The following KCNB2 variants were observed in gnomAD, a reference collection of about 807,000 sequenced individuals.
The protein encoded by KCNB2 is delayed rectifier potassium channel protein.
KCNB2 carries 15 observed loss-of-function variants against 61.5 expected under a neutral mutation model. The observed-to-expected ratio is 0.24, with a 90% CI of 0.16 to 0.38. KCNB2 has a LOEUF of 0.38. Among genes scored for constraint, KCNB2 ranks in the 10% least tolerant of loss-of-function variants. KCNB2 has a pLI of 1.00. For synonymous variants in KCNB2, 457 were observed against 446.0 expected (o/e 1.02, Z -0.31); for missense variants, 828 against 1,125.2 (o/e 0.74, Z 3.78).
chr8:72,892,033 G>T (rs1414146225), intron 2 of KCNB2, among the ~76,000 whole-genome samples: 2 of 152,100 alleles, frequency 1.3e-5, no homozygotes, highest in African/African-American at 4.8e-5. Flanking sequence ...GTGGGTTAAA[G>T]GATGGAGGGA....
intron 2 of KCNB2, among the ~76,000 whole-genome samples, chr8:72,774,360 T>C (rs949058459): frequency 4.6e-5 from 7 of 152,218 alleles, no homozygotes; most frequent in Middle Eastern, 3.4e-3. Flanking sequence ...ATTATTATTA[T>C]TATTTTTTGA....
At chr8:72,713,180 G>A (rs892310676) in intron 2 of KCNB2, among the ~76,000 whole-genome samples, 3 of 152,222 alleles carry the variant, frequency 2.0e-5, no homozygotes, top group African/African-American at 7.2e-5. Context: ...AACTGGGTGG[G>A]GCCCACCAAA....
intron 2 of KCNB2, among the ~76,000 whole-genome samples, chr8:72,930,134 AT>A (rs1198585936): frequency 6.6e-6 from 1 of 151,600 alleles, no homozygotes; most frequent in Non-Finnish European, 1.5e-5. Flanking sequence ...TGAACTCATC[AT>A]TTTTTATGGC....
intron 2 of KCNB2, among the ~76,000 whole-genome samples, chr8:72,807,907 T>A (rs910167097): frequency 6.6e-5 from 10 of 152,232 alleles, no homozygotes; most frequent in African/African-American, 2.4e-4. Flanking sequence ...TTACTCTTAT[T>A]TCTTTGGTTT....
chr8:72,716,849 A>G (rs1448302389), intron 2 of KCNB2, among the ~76,000 whole-genome samples: 2 of 152,316 alleles, frequency 1.3e-5, no homozygotes, highest in East Asian at 1.9e-4. Flanking sequence ...AGGGCATTCA[A>G]TTAGAAAAAG....
intron 2 of KCNB2, among the ~76,000 whole-genome samples, chr8:72,725,593 A>ATGTGTG (rs1225131935): frequency 1.5e-4 from 5 of 32,432 alleles, no homozygotes; most frequent in Non-Finnish European, 4.2e-4. Context: ...ATATGTATGT[A>ATGTGTG]TATATATATA....
chr8:72,697,978 G>C (rs914285973), intron 2 of KCNB2, among the ~76,000 whole-genome samples: 2 of 152,040 alleles, frequency 1.3e-5, no homozygotes, highest in African/African-American at 4.8e-5. Flanking sequence ...AGGTGATCCT[G>C]ATGTAGTGAG....
chr8:72,587,001 G>A (rs1807010470), intron 2 of KCNB2, among the ~76,000 whole-genome samples: 1 of 151,840 alleles, frequency 6.6e-6, no homozygotes, highest in African/African-American at 2.4e-5. Flanking sequence ...TTAAAATACG[G>A]CCTATTGATA....
At chr8:72,825,705 T>C (rs1483158457) in intron 2 of KCNB2, among the ~76,000 whole-genome samples, 2 of 152,228 alleles carry the variant, frequency 1.3e-5, no homozygotes, top group Non-Finnish European at 2.9e-5. Flanking sequence ...TTTGGAGAAA[T>C]GTCTGTCTAA....
At chr8:72,744,686 C>T (rs549512504) in intron 2 of KCNB2, among the ~76,000 whole-genome samples, 1 of 152,206 alleles carries the variant, frequency 6.6e-6, no homozygotes, top group African/African-American at 2.4e-5. Flanking sequence ...ACTGTCCATG[C>T]TGAGAAGGAA....
intron 2 of KCNB2, among the ~76,000 whole-genome samples, chr8:72,911,628 G>A (rs1463330635): frequency 6.6e-6 from 1 of 152,190 alleles, no homozygotes; most frequent in Non-Finnish European, 1.5e-5. Flanking sequence ...TGTCATGGTA[G>A]TCTCCAATGT....
At chr8:72,815,002 GGTT>G (rs1259971961) in intron 2 of KCNB2, among the ~76,000 whole-genome samples, 1 of 152,094 alleles carries the variant, frequency 6.6e-6, no homozygotes, top group Non-Finnish European at 1.5e-5. Context: ...TTTCTACTGA[GGTT>G]GTATAATTCC....
intron 2 of KCNB2, among the ~76,000 whole-genome samples, chr8:72,600,046 G>A (rs1221749284): frequency 1.3e-5 from 2 of 152,212 alleles, no homozygotes; most frequent in Non-Finnish European, 2.9e-5. Flanking sequence ...GATTCCTCAA[G>A]GATCTAGAAC....
intron 2 of KCNB2, among the ~76,000 whole-genome samples, chr8:72,659,647 T>C (rs1203419940): frequency 1.3e-5 from 2 of 152,152 alleles, no homozygotes; most frequent in African/African-American, 4.8e-5. Flanking sequence ...CGAACTTCAT[T>C]GTTGTCTTAT....
At chr8:72,658,361 C>G (rs536348745) in intron 2 of KCNB2, among the ~76,000 whole-genome samples, 1 of 152,102 alleles carries the variant, frequency 6.6e-6, no homozygotes, top group Non-Finnish European at 1.5e-5. Context: ...TAATCCAGAG[C>G]GAGGTCCTAA....
At position 72,561,748 on chromosome 8, in the gene KCNB2, TATATATATATATGG is replaced by T. The variant is rs1563523492; in HGVS notation, c.-93-5881_-93-5868del. 2.6e-3 allele frequency among the ~76,000 whole-genome samples: 66 copies of T among 25,840 alleles called. 5 individuals carry two copies. The highest frequency in any genetic ancestry group is 0.015 in the African/African-American group (50 of 3,320). 17.0% of individuals were successfully genotyped at this position (25,840 alleles called of 152,430 possible). On this transcript the variant is annotated intron_variant, in intron 1 of 2. Coordinates refer to ENST00000523207, the MANE Select transcript of KCNB2 (RefSeq NM_004770.3). ...ATATATCTATATCTATATATATATG[TATATATATATATGG>T]ATATATATATATATGGATATATATA... is the stretch of plus-strand genomic sequence containing the variant.
intron 2 of KCNB2, among the ~76,000 whole-genome samples, chr8:72,932,359 G>C (rs762865059): frequency 2.0e-5 from 3 of 152,198 alleles, no homozygotes; most frequent in Non-Finnish European, 4.4e-5. Flanking sequence ...GAGTCCTGAA[G>C]ACCTTCCTCT....
chr8:72,743,577 TA>T (rs1256360709), intron 2 of KCNB2, among the ~76,000 whole-genome samples: 1 of 152,254 alleles, frequency 6.6e-6, no homozygotes, highest in Admixed American at 6.5e-5. Flanking sequence ...AATCCAAGAA[TA>T]ATCCTTGGCG....
At chr8:72,595,588 T>G (rs1019607566) in intron 2 of KCNB2, among the ~76,000 whole-genome samples, 4 of 152,126 alleles carry the variant, frequency 2.6e-5, no homozygotes, top group Non-Finnish European at 5.9e-5. Flanking sequence ...CCTCCCAAAG[T>G]GCTGGGATTA....
Sources: allele counts gnomAD v4.1 joint callset (sites outside exome capture counted in the v4.1 genomes callset), GRCh38; gene constraint gnomAD v4.1.1; transcripts MANE v1.5; gene names NCBI Gene and HGNC (gene_info 2026-07-23, HGNC 2026-07-21).